The following SOX5 variants were observed in gnomAD, a reference collection of about 807,000 sequenced individuals.
The protein encoded by SOX5 is transcription factor SOX-5.
A neutral mutation model predicts 92.0 loss-of-function variants in SOX5; 9 were observed. The observed-to-expected ratio is 0.10, with a 90% CI of 0.06 to 0.17. SOX5 has a LOEUF of 0.17. SOX5 is among the 10% of genes least tolerant of loss of function. The pLI is 1.00. For missense variants in SOX5, 642 were observed against 944.5 expected (o/e 0.68, Z 4.20); for synonymous variants, 344 against 336.3 (o/e 1.02, Z -0.25).
chr12:23,678,418 C>G (rs2086050296), intron 6 of SOX5, among the ~76,000 whole-genome samples: 1 of 152,006 alleles, frequency 6.6e-6, no homozygotes. Context: ...CCATGGGTAC[C>G]TTACTAAATC....
intron 6 of SOX5, among the ~76,000 whole-genome samples, chr12:23,724,884 T>C (rs534815729): frequency 1.3e-5 from 2 of 152,278 alleles, no homozygotes; most frequent in East Asian, 3.9e-4. Context: ...CTAGCAGCTA[T>C]GTGAAAAATC....
intron 4 of SOX5, among the ~76,000 whole-genome samples, chr12:24,201,493 G>A (rs1172166655): frequency 6.6e-6 from 1 of 152,118 alleles, no homozygotes; most frequent in African/African-American, 2.4e-5. Context: ...TATAATTTGA[G>A]AAACTCTGAA....
chr12:24,439,063 C>T (rs1940006591), intron 1 of SOX5, among the ~76,000 whole-genome samples: 1 of 152,168 alleles, frequency 6.6e-6, no homozygotes. Context: ...GAAATTGTCA[C>T]TGCCACCCCA....
chr12:24,399,255 C>T (rs75239609), intron 1 of SOX5, among the ~76,000 whole-genome samples: 4,624 of 152,136 alleles, frequency 0.03, 89 homozygotes, highest in Non-Finnish European at 0.045. Context: ...CTCCCCATAC[C>T]TGGGAAAGGA....
At chr12:24,272,561 T>A (rs115809284) in intron 3 of SOX5, among the ~76,000 whole-genome samples, 2,689 of 152,282 alleles carry the variant, frequency 0.018, 76 homozygotes, top group African/African-American at 0.061. Context: ...TCCAAAAAAT[T>A]TTTAATACAA....
At chr12:24,209,940 C>T (rs1231088715) in intron 4 of SOX5, among the ~76,000 whole-genome samples, 2 of 131,554 alleles carry the variant, frequency 1.5e-5, no homozygotes, top group African/African-American at 2.9e-5. Context: ...ATGGCATGAA[C>T]CCGGGAGGCG....
At chr12:24,221,000 C>T (rs1455286660) in intron 3 of SOX5, among the ~76,000 whole-genome samples, 1 of 152,194 alleles carries the variant, frequency 6.6e-6, no homozygotes, top group Non-Finnish European at 1.5e-5. Flanking sequence ...CCATGGTTAA[C>T]TCCACTTAAC....
chr12:24,094,499 G>T (rs1945088042), intron 4 of SOX5, among the ~76,000 whole-genome samples: 3 of 134,328 alleles, frequency 2.2e-5, no homozygotes. Flanking sequence ...CTTTTGATGT[G>T]TAGAAAATAT....
chr12:24,091,428 ATTTTTT>A, intron 4 of SOX5, among the ~76,000 whole-genome samples: 1 of 122,652 alleles, frequency 8.2e-6, no homozygotes, highest in Non-Finnish European at 1.6e-5. Flanking sequence ...AGAGAATGCT[ATTTTTT>A]TTTTTTTTTT....
intron 3 of SOX5, among the ~76,000 whole-genome samples, chr12:23,790,651 T>G: frequency 6.6e-6 from 1 of 152,008 alleles, no homozygotes; most frequent in East Asian, 1.9e-4. Flanking sequence ...ATTTCTATTA[T>G]CACTTCTATG....
chr12:23,565,586 T>C (rs1946933683), intron 10 of SOX5, among the ~76,000 whole-genome samples: 1 of 152,184 alleles, frequency 6.6e-6, no homozygotes, highest in Non-Finnish European at 1.5e-5. Context: ...AAATGATTAA[T>C]ATAGATGCAA....
intron 6 of SOX5, among the ~76,000 whole-genome samples, chr12:23,720,637 T>C (rs1044317532): frequency 6.6e-6 from 1 of 152,194 alleles, no homozygotes; most frequent in African/African-American, 2.4e-5. Context: ...GAGACTATTA[T>C]GAACCAATGA....
In SOX5 at chr12:24,334,201, C is replaced by T. The variant is rs1015837944; in HGVS notation, c.-174+34362G>A. Among the ~76,000 whole-genome samples, 10 of 151,666 alleles carry T rather than the reference C, an allele frequency of 6.6e-5. No homozygotes were observed. The South Asian group carries it at 8.3e-4, about 13-fold the overall frequency. On this transcript the variant is annotated intron_variant, in intron 2 of 4. Transcript: ENST00000446891. ...AGGTATATGTGATTAGTTATATTTTCTGAATACAAAAACAACAGAATAAGT... is the reference window on the plus strand; with the variant it reads ...AGGTATATGTGATTAGTTATATTTTTTGAATACAAAAACAACAGAATAAGT...
chr12:23,906,447 C>CA (rs2097294231), intron 1 of SOX5, among the ~76,000 whole-genome samples: 1 of 152,190 alleles, frequency 6.6e-6, no homozygotes, highest in African/African-American at 2.4e-5. Context: ...CTGCACTAGA[C>CA]TTTTTTCCCC....
intron 1 of SOX5, among the ~76,000 whole-genome samples, chr12:23,904,633 A>G (rs551988776): frequency 6.6e-5 from 10 of 152,310 alleles, no homozygotes; most frequent in African/African-American, 2.4e-4. Context: ...ATATTTTATT[A>G]TACATTACAA....
At chr12:23,577,191 A>ATATATATATTTTT (rs71059907) in intron 9 of SOX5, among the ~76,000 whole-genome samples, 1 of 61,388 alleles carries the variant, frequency 1.6e-5, no homozygotes, top group Non-Finnish European at 3.2e-5. Context: ...ATATATATAT[A>ATATATATATTTTT]TTTTTTTTTT....
intron 2 of SOX5, among the ~76,000 whole-genome samples, chr12:24,294,160 C>T (rs899545674): frequency 2.0e-5 from 3 of 152,124 alleles, no homozygotes; most frequent in African/African-American, 4.8e-5. Flanking sequence ...TCCATCTGTT[C>T]GCCTTCATGT....
chr12:23,637,021 T>C (rs1395064815), intron 8 of SOX5, among the ~76,000 whole-genome samples: 1 of 152,186 alleles, frequency 6.6e-6, no homozygotes, highest in East Asian at 1.9e-4. Context: ...AAATATTCCA[T>C]AACCATGGGT....
At chr12:23,785,932 T>C (rs1010052315) in intron 3 of SOX5, among the ~76,000 whole-genome samples, 1 of 152,082 alleles carries the variant, frequency 6.6e-6, no homozygotes, top group African/African-American at 2.4e-5. Context: ...TCATTTTTGT[T>C]GGCATTTTCT....
Sources: gnomAD v4.1 joint callset for allele counts (sites outside exome capture counted in the v4.1 genomes callset) on GRCh38, gnomAD v4.1.1 for gene constraint, MANE v1.5 for transcripts, NCBI Gene and HGNC (gene_info 2026-07-23, HGNC 2026-07-21) for gene names.